The following NRDC variants were observed in gnomAD, a reference collection of about 807,000 sequenced individuals.
NRDC encodes the protein nardilysin.
A neutral mutation model predicts 147.1 loss-of-function variants in NRDC; 54 were observed. The observed-to-expected ratio is 0.37, with a 90% CI of 0.29 to 0.46. The LOEUF is 0.46. Among genes scored for constraint, NRDC ranks in the 20% least tolerant of loss-of-function variants. The pLI, the probability that NRDC is intolerant of heterozygous loss-of-function variation, is 1.00. For synonymous variants in NRDC, 440 were observed against 482.1 expected (o/e 0.91, Z 1.14); for missense variants, 1,082 against 1,370.6 (o/e 0.79, Z 3.33).
At position 51,820,808 on chromosome 1, in the gene NRDC, T is replaced by C. The variant is rs190110300; in HGVS notation, c.1217+690A>G. Among the ~76,000 whole-genome samples the C allele has an allele frequency of 2.3e-3, 343 of 152,300 alleles. 1 individual carries two copies. Among genetic ancestry groups the C allele is most frequent in the African/African-American group, 8.1e-3 (336 of 41,582 alleles). On this transcript the variant is annotated intron_variant, in intron 8 of 30. Coordinates refer to ENST00000352171, the MANE Select transcript of NRDC (RefSeq NM_001101662.2). ...AAGAAAAAATATCTGTTTTCATTAA[T>C]TTTGTTAAAATGCAAACTACTAAGT...
At chr1:51,846,734 A>C (rs1358476536) in intron 1 of NRDC, among the ~76,000 whole-genome samples, 1 of 152,246 alleles carries the variant, frequency 6.6e-6, no homozygotes, top group Non-Finnish European at 1.5e-5. Context: ...ACTCGACCCA[A>C]GTGGGTTATC....
At chr1:51,860,898 T>A (rs1228093220) in intron 1 of NRDC, among the ~76,000 whole-genome samples, 2 of 152,160 alleles carry the variant, frequency 1.3e-5, no homozygotes, top group Admixed American at 1.3e-4. Context: ...CCAATTAAGT[T>A]GTCCAGAGTA....
At chr1:51,833,217 T>TTC (rs1553210360) in intron 4 of NRDC, among the ~76,000 whole-genome samples, 1 of 152,114 alleles carries the variant, frequency 6.6e-6, no homozygotes, top group Non-Finnish European at 1.5e-5. Context: ...TCCCAGCACT[T>TTC]TGAGAGGCTG....
At chr1:51,855,768 G>A (rs532580767) in intron 1 of NRDC, among the ~76,000 whole-genome samples, 16 of 152,222 alleles carry the variant, frequency 1.1e-4, no homozygotes, top group Admixed American at 2.6e-4. Flanking sequence ...AGCTACTCAG[G>A]TGTCTGAGGC....
At chr1:51,865,140 A>C (rs1358416180) in intron 1 of NRDC, among the ~76,000 whole-genome samples, 3 of 152,066 alleles carry the variant, frequency 2.0e-5, no homozygotes, top group Non-Finnish European at 4.4e-5. Context: ...AAAAATTAGC[A>C]TTCAAAATAA....
intron 4 of NRDC, among the ~76,000 whole-genome samples, chr1:51,832,096 G>C (rs1289098452): frequency 6.6e-6 from 1 of 151,506 alleles, no homozygotes; most frequent in Non-Finnish European, 1.5e-5. Flanking sequence ...ACTCAGGCTG[G>C]AGTGCTATGG....
At chr1:51,861,265 C>CTT (rs71063057) in intron 1 of NRDC, among the ~76,000 whole-genome samples, 48,204 of 107,830 alleles carry the variant, frequency 0.45, 12,037 homozygotes, top group East Asian at 0.81. Flanking sequence ...AGTGGTATTA[C>CTT]TTTTTTTTTT....
intron 1 of NRDC, among the ~76,000 whole-genome samples, chr1:51,841,576 G>A (rs773349295): frequency 1.1e-4 from 16 of 152,038 alleles, no homozygotes; most frequent in Non-Finnish European, 1.6e-4. Flanking sequence ...CAAAGTGCTG[G>A]GACTACAGGC....
Position 51,878,725 on chromosome 1 carries a change from C to A in NRDC, c.-110G>T. ...TGCTGCCGCAGCCGCGGGGAACAGG[C>A]CTGAACCCCTCCCCCAACCCAGTCT... On this transcript the variant is annotated 5_prime_UTR_variant, in exon 1 of 31. Transcript: ENST00000352171. 1.1e-6 allele frequency: 1 copy of A among 919,878 alleles called. No homozygotes were observed. Among genetic ancestry groups the A allele is most frequent in the Non-Finnish European group, 1.6e-6 (1 of 616,200 alleles). 57.0% of individuals were successfully genotyped at this position (919,878 alleles called of 1,614,324 possible).
In NRDC at chr1:51,790,552, A is replaced by G; in HGVS notation, c.3149T>C (p.Phe1050Ser). The change falls in exon 29 of 31, where the codon TTT (phenylalanine) becomes TCT (serine). Residue 1050 changes from phenylalanine (F) to serine (S), a missense_variant. Phe to Ser is a radical substitution (Grantham distance 155). Coordinates refer to ENST00000352171, the MANE Select transcript of NRDC (RefSeq NM_001101662.2). ...WNEVVTQQYL[F>S]DRLAHEIEAL... ...TGTTACCTCGTGGGCAAGGCGGTCA[A>G]AGAGGTACTGCTGTGTAACCACTTC... The G allele has an allele frequency of 6.2e-7, 1 of 1,613,272 alleles. No homozygotes were observed. The highest frequency in any genetic ancestry group is 8.5e-7 in the Non-Finnish European group (1 of 1,179,216).
intron 1 of NRDC, among the ~76,000 whole-genome samples, chr1:51,871,974 C>G (rs1024284463): frequency 1.3e-5 from 2 of 152,124 alleles, no homozygotes; most frequent in African/African-American, 2.4e-5. Context: ...CGGGTTCAAG[C>G]GATTCTCCTG....
chr1:51,871,782 CCT>C (rs1683097291), intron 1 of NRDC, among the ~76,000 whole-genome samples: 2 of 152,096 alleles, frequency 1.3e-5, no homozygotes, highest in African/African-American at 2.4e-5. Flanking sequence ...GTATCTGCTC[CCT>C]GACTCTCCTA....
chr1:51,853,328 T>TA (rs1682076005), intron 1 of NRDC, among the ~76,000 whole-genome samples: 1 of 152,118 alleles, frequency 6.6e-6, no homozygotes, highest in African/African-American at 2.4e-5. Context: ...TGCCTCTATA[T>TA]AAAAGGCTTA....
chr1:51,823,565 C>T (rs1042461714), intron 7 of NRDC, 99 bp downstream of exon 7: 1 of 818,124 alleles, frequency 1.2e-6, no homozygotes, highest in Non-Finnish European at 1.8e-6. Flanking sequence ...AGGTCAAGCA[C>T]TAAAGTAATT....
Position 51,816,380 on chromosome 1 carries a change from T to C in NRDC, c.1371A>G (p.Pro457=), listed in dbSNP as rs149574912. The change falls in exon 11 of 31, where the codon CCA becomes CCG. Residue 457 remains proline (P), a synonymous_variant. Transcript: ENST00000352171. ...PPQQQHYRVK[P]LHYISWLVGH... ...CAACCAGCCAGGATATATAATGAAG[T>C]GGCTTCACCCTTTTAAAAAAATTTA... 627 of 1,592,346 alleles carry C rather than the reference T, an allele frequency of 3.9e-4. No homozygotes were observed. The highest frequency in any genetic ancestry group is 4.8e-4 in the Non-Finnish European group (560 of 1,169,428).
Position 51,867,487 on chromosome 1 carries a change from G to A in NRDC, c.341+10788C>T, listed in dbSNP as rs558138748. ...GGCTGATATTTAAAGTCATGAGACC[G>A]GACAACATACAGAGTAAGGGTAGAT... On this transcript the variant is annotated intron_variant, in intron 1 of 30. Coordinates refer to ENST00000352171, the MANE Select transcript of NRDC (RefSeq NM_001101662.2). Among the ~76,000 whole-genome samples, 10 of 152,214 alleles carry A rather than the reference G, an allele frequency of 6.6e-5. No homozygotes were observed. The East Asian group carries it at 1.3e-3, about 21-fold the overall frequency.
At chr1:51,808,564 A>C (rs1332102467) in intron 17 of NRDC, among the ~76,000 whole-genome samples, 1 of 152,162 alleles carries the variant, frequency 6.6e-6, no homozygotes, top group African/African-American at 2.4e-5. Context: ...CCATCTTTTG[A>C]GTATTGTGAA....
intron 1 of NRDC, among the ~76,000 whole-genome samples, chr1:51,864,239 T>G (rs1682692780): frequency 6.6e-6 from 1 of 152,206 alleles, no homozygotes; most frequent in African/African-American, 2.4e-5. Flanking sequence ...TATTAATATA[T>G]TGGCGGTACC....
At chr1:51,838,693 A>G (rs1313190835) in intron 2 of NRDC, among the ~76,000 whole-genome samples, 1 of 152,222 alleles carries the variant, frequency 6.6e-6, no homozygotes, top group Non-Finnish European at 1.5e-5. Context: ...GAACAGAGCC[A>G]GAAGTAGAAC....
Sources: gnomAD v4.1 joint callset for allele counts (sites outside exome capture counted in the v4.1 genomes callset) on GRCh38, gnomAD v4.1.1 for gene constraint, MANE v1.5 for transcripts, NCBI Gene and HGNC (gene_info 2026-07-23, HGNC 2026-07-21) for gene names.